The following TBC1D10B variants were observed in gnomAD, a reference collection of about 807,000 sequenced individuals.
The protein encoded by TBC1D10B is Rab27A-GAPbeta.
TBC1D10B carries 25 observed loss-of-function variants against 78.4 expected under a neutral mutation model. That is an observed-to-expected ratio of 0.32 (90% CI 0.23 to 0.45). The LOEUF is 0.45. TBC1D10B is among the 20% of genes least tolerant of loss of function. The pLI is 1.00. For missense variants in TBC1D10B, 996 were observed against 1,104.8 expected, an observed-to-expected ratio of 0.90 and a Z score of 1.40; for synonymous variants, 517 against 478.0, an observed-to-expected ratio of 1.08 and a Z score of -1.06.
chr16:30,368,775 A>T (rs1393021342), intron 1 of TBC1D10B, among the ~76,000 whole-genome samples: 1 of 152,072 alleles, frequency 6.6e-6, no homozygotes, highest in Non-Finnish European at 1.5e-5. Context: ...GGGGGAAGGG[A>T]GATGCCTGCA....
rs1250503651 is a variant in TBC1D10B at position 30,369,586 on chromosome 16, C to A, written c.598G>T (p.Ala200Ser). 3 of 1,529,482 alleles carry A rather than the reference C, an allele frequency of 2.0e-6. No homozygotes were observed. Among genetic ancestry groups the A allele is most frequent in the South Asian group, 1.2e-5 (1 of 81,980 alleles). The allele number at this position is 1,529,482 out of a possible 1,614,324, so 94.7% of individuals were successfully genotyped here. The change falls in exon 1 of 9, where the codon GCA becomes TCA. Residue 200 changes from alanine (A) to serine (S), a missense_variant. Ala to Ser is a moderately conservative substitution (Grantham distance 99). Coordinates refer to ENST00000409939, the MANE Select transcript of TBC1D10B (RefSeq NM_015527.4). This position sits in a 1 kb window ranked among gnomAD's most constrained non-coding sequence, Gnocchi z 4.3. ...TGTCCTGCTGATGCTGATGTTGCTG[C>A]GGCAGCTCCATGCCCACCTGTCACT... ...GQVTGGHGAA[A>S]ATSASAGQAP...
intron 1 of TBC1D10B, chr16:30,366,774 C>T (rs754498682): frequency 2.6e-5 from 4 of 152,170 alleles, no homozygotes; most frequent in South Asian, 4.1e-4. Flanking sequence ...GTGAGTAGAA[C>T]GGAAGAAAGC....
At position 30,369,146 on chromosome 16, in the gene TBC1D10B, G is replaced by A; in HGVS notation, c.956+82C>T. On this transcript the variant is annotated intron_variant, in intron 1 of 8. Coordinates refer to ENST00000409939, the MANE Select transcript of TBC1D10B (RefSeq NM_015527.4). The surrounding 1 kb of genome is among the most constrained non-coding windows in gnomAD (Gnocchi z 4.3). ...AGGAGGCTGGGCTGCCAGAGTCTGGGCAAAGTGTATCGTTTTCGTTTCGCC... is the reference window on the plus strand; with the variant it reads ...AGGAGGCTGGGCTGCCAGAGTCTGGACAAAGTGTATCGTTTTCGTTTCGCC... The A allele has an allele frequency of 7.2e-7, 1 of 1,392,882 alleles. No homozygotes were observed. The allele number at this position is 1,392,882 out of a possible 1,614,324, so 86.3% of individuals were successfully genotyped here.
rs780520897 is a variant in TBC1D10B, at chr16:30,365,018, C to T, written c.1165-12G>A. ...GCCCGTTCCAGCTCCTGCAGTGGGA[C>T]AGTGGGGATTACCTCAGCATCTGGG... On this transcript the variant is annotated splice_polypyrimidine_tract_variant and intron_variant, in intron 3 of 8. Transcript: ENST00000409939. The surrounding 1 kb of genome is among the most constrained non-coding windows in gnomAD (Gnocchi z 5.0). 1 of 1,613,070 alleles carries T rather than the reference C, an allele frequency of 6.2e-7. No individual in the cohort carries two copies. The highest frequency in any genetic ancestry group is 1.1e-5 in the South Asian group (1 of 90,946).
Position 30,357,538 on chromosome 16 carries a change from C to A in TBC1D10B, c.*406G>T. 4.4e-6 allele frequency: 1 copy of A among 228,758 alleles called. No individual in the cohort carries two copies. Among genetic ancestry groups the A allele is most frequent in the Non-Finnish European group, 8.7e-6 (1 of 115,318 alleles). 14.2% of individuals were successfully genotyped at this position (228,758 alleles called of 1,614,324 possible). On this transcript the variant is annotated 3_prime_UTR_variant, in exon 9 of 9. Coordinates refer to ENST00000409939, the MANE Select transcript of TBC1D10B (RefSeq NM_015527.4). ...AGCCCTGGCCAGGAAGTGGGGGAGA[C>A]AGGGAGGGCTGAAGACAGGGAAAAG...
rs1291267418 is a variant in TBC1D10B, at chr16:30,370,139, A to G, written c.45T>C (p.His15=). Residue 15 remains histidine, a synonymous_variant, in exon 1 of 9, where the codon CAT becomes CAC. Transcript: ENST00000409939. ...TAPLVAPPRR[H]GAPAAPSPPP... ...GCGGCGAGGGGGCCGCGGGGGCGCC[A>G]TGACGGCGCGGCGGGGCCACCAGGG... 7 of 1,201,720 alleles carry G rather than the reference A, an allele frequency of 5.8e-6. No homozygotes were observed. The East Asian group carries it at 2.4e-4, about 41-fold the overall frequency. 74.4% of individuals were successfully genotyped at this position (1,201,720 alleles called of 1,614,324 possible).
rs1044427842 is a variant in TBC1D10B at position 30,370,291 on chromosome 16, G to A, written c.-108C>T. ...AGAAAGGGGAGAGGGCGAAGGGCGC[G>A]GCTCGGCGCGCGCCGGGGGCGGAGC... On this transcript the variant is annotated 5_prime_UTR_variant, in exon 1 of 9. Coordinates refer to ENST00000409939, the MANE Select transcript of TBC1D10B (RefSeq NM_015527.4). The A allele has an allele frequency of 5.8e-6, 3 of 517,738 alleles. No individual in the cohort carries two copies. The highest frequency in any genetic ancestry group is 7.8e-6 in the Non-Finnish European group (3 of 382,172). The allele number at this position is 517,738 out of a possible 1,614,324, so 32.1% of individuals were successfully genotyped here.
Position 30,370,332 on chromosome 16 carries a change from A to G in TBC1D10B, c.-149T>C. The G allele has an allele frequency of 4.1e-6, 1 of 243,810 alleles. No homozygotes were observed. 15.1% of individuals were successfully genotyped at this position (243,810 alleles called of 1,614,324 possible). A position where few individuals can be genotyped will look rare whatever the true frequency, so the allele number is the denominator to read the frequency against. On this transcript the variant is annotated 5_prime_UTR_variant, in exon 1 of 9. Coordinates refer to ENST00000409939, the MANE Select transcript of TBC1D10B (RefSeq NM_015527.4). The stretch of plus-strand genomic sequence containing the variant: ...GGGGCGGAGCGGCCGCTGGGCGCGC[A>G]GAGGCGGGGCAGGGGTCGGGGGGCG...
rs1567415721 is a variant in TBC1D10B, at chr16:30,369,524, GGGGCCTGTGCCA to G, written c.648_659del (p.Gly217_Pro220del). 1 of 1,550,888 alleles carries G rather than the reference GGGGCCTGTGCCA, an allele frequency of 6.4e-7. No individual in the cohort carries two copies. Among genetic ancestry groups the G allele is most frequent in the Admixed American group, 2.0e-5 (1 of 50,856 alleles). On this transcript the variant is annotated inframe_deletion, in exon 1 of 9. Coordinates refer to ENST00000409939, the MANE Select transcript of TBC1D10B (RefSeq NM_015527.4). This position sits in a 1 kb window ranked among gnomAD's most constrained non-coding sequence, Gnocchi z 4.3. ...CTACCGGAGCCTCACAAGTCCCAGA[GGGGCCTGTGCCA>G]GGGCCTGAGGGGTCCTCAGGAGCCT...
In TBC1D10B at chr16:30,369,451, C is replaced by G. The variant is rs1382222848; in HGVS notation, c.733G>C (p.Asp245His). 1 of 1,554,046 alleles carries G rather than the reference C, an allele frequency of 6.4e-7. No homozygotes were observed. The change falls in exon 1 of 9, where the codon GAC becomes CAC. Residue 245 changes from aspartate (D) to histidine (H), a missense_variant. By Grantham distance (81) the Asp-to-His change is moderately conservative. Transcript: ENST00000409939. This position sits in a 1 kb window ranked among gnomAD's most constrained non-coding sequence, Gnocchi z 4.3. Reference protein sequence around the residue: ...PAPEPAENSQDLGSTSSLGPG... With the variant: ...PAPEPAENSQHLGSTSSLGPG... The stretch of plus-strand genomic sequence containing the variant: ...CCCAGGCTGGACGTGGAGCCCAGGT[C>G]TTGAGAGTTTTCAGCAGGCTCCGGA...
chr16:30,369,145 G>C lies in TBC1D10B; in HGVS notation c.956+83C>G. 7.2e-7 allele frequency: 1 copy of C among 1,390,112 alleles called. No individual in the cohort carries two copies. Among genetic ancestry groups the C allele is most frequent in the Non-Finnish European group, 9.6e-7 (1 of 1,041,084 alleles). The allele number at this position is 1,390,112 out of a possible 1,614,324, so 86.1% of individuals were successfully genotyped here. A position where few individuals can be genotyped will look rare whatever the true frequency, so the allele number is the denominator to read the frequency against. ...GAGGAGGCTGGGCTGCCAGAGTCTG[G>C]GCAAAGTGTATCGTTTTCGTTTCGC... On this transcript the variant is annotated intron_variant, in intron 1 of 8. Transcript: ENST00000409939. The surrounding 1 kb of genome is among the most constrained non-coding windows in gnomAD (Gnocchi z 4.3).
chr16:30,360,704 T>C (rs2049593243), intron 4 of TBC1D10B, among the ~76,000 whole-genome samples: 2 of 152,208 alleles, frequency 1.3e-5, no homozygotes, highest in Admixed American at 6.5e-5. Flanking sequence ...AGGTTTGATA[T>C]GGTTATTTTA....
At position 30,365,466 on chromosome 16, in the gene TBC1D10B, T is replaced by C. The variant is rs2049629323; in HGVS notation, c.1056+29A>G. 5.6e-6 allele frequency: 9 copies of C among 1,612,462 alleles called. No homozygotes were observed. Among genetic ancestry groups the C allele is most frequent in the South Asian group, 1.1e-5 (1 of 91,052 alleles). ...CATGCTACCCCTCCCAACTTGTGCA[T>C]TGCCCTGCCCACCATTCAGCCCTCA... On this transcript the variant is annotated intron_variant, in intron 2 of 8. Transcript: ENST00000409939. This position sits in a 1 kb window ranked among gnomAD's most constrained non-coding sequence, Gnocchi z 5.0.
Position 30,357,634 on chromosome 16 carries a change from C to G in TBC1D10B, c.*310G>C. ...ATCTGAAACTGCTGACTCCCATCAC[C>G]AGGAGTCACCCCTGGGATGACAACG... On this transcript the variant is annotated 3_prime_UTR_variant, in exon 9 of 9. Transcript: ENST00000409939. 2.3e-6 allele frequency: 1 copy of G among 441,922 alleles called. No individual in the cohort carries two copies. Among genetic ancestry groups the G allele is most frequent in the Non-Finnish European group, 4.1e-6 (1 of 245,424 alleles). 27.4% of individuals were successfully genotyped at this position (441,922 alleles called of 1,614,324 possible). A position where few individuals can be genotyped will look rare whatever the true frequency, so the allele number is the denominator to read the frequency against.
Position 30,358,486 on chromosome 16 carries a change from G to A in TBC1D10B, c.1885C>T (p.Gln629Ter). 6.2e-7 allele frequency: 1 copy of A among 1,600,080 alleles called. No individual in the cohort carries two copies. Among genetic ancestry groups the A allele is most frequent in the South Asian group, 1.1e-5 (1 of 88,894 alleles). Residue 629 changes from glutamine to a stop codon, truncating the protein, a stop_gained, in exon 9 of 9, where the codon CAG (glutamine) becomes TAG (stop). Coordinates refer to ENST00000409939, the MANE Select transcript of TBC1D10B (RefSeq NM_015527.4). LOFTEE classifies it high-confidence loss of function. ...KKWRETRGEL[Q>*]YRPSRRLHGS... is the part of the protein sequence containing the mutation. ...TGCAGTCGCCGTGAGGGCCGATACT[G>A]CAGCTCCCCCCGCGTTTCCCGCCAC...
chr16:30,365,015 G>C lies in TBC1D10B; in HGVS notation c.1165-9C>G. On this transcript the variant is annotated splice_polypyrimidine_tract_variant and intron_variant, in intron 3 of 8. Transcript: ENST00000409939. The surrounding 1 kb of genome is among the most constrained non-coding windows in gnomAD (Gnocchi z 5.0). Reference sequence around the variant, plus strand: ...GGAGCCCGTTCCAGCTCCTGCAGTGGGACAGTGGGGATTACCTCAGCATCT... The same window carrying C: ...GGAGCCCGTTCCAGCTCCTGCAGTGCGACAGTGGGGATTACCTCAGCATCT... 6.2e-7 allele frequency: 1 copy of C among 1,612,940 alleles called. No homozygotes were observed. Among genetic ancestry groups the C allele is most frequent in the Non-Finnish European group, 8.5e-7 (1 of 1,179,342 alleles).
At position 30,357,731 on chromosome 16, in the gene TBC1D10B, G is replaced by A. The variant is rs1294084250; in HGVS notation, c.*213C>T. 2 of 687,340 alleles carry A rather than the reference G, an allele frequency of 2.9e-6. No individual in the cohort carries two copies. Among genetic ancestry groups the A allele is most frequent in the African/African-American group, 3.6e-5 (2 of 55,526 alleles). 42.6% of individuals were successfully genotyped at this position (687,340 alleles called of 1,614,324 possible). On this transcript the variant is annotated 3_prime_UTR_variant, in exon 9 of 9. Transcript: ENST00000409939. ...CAGGAGCGACAGAGACCCCAGCTGA[G>A]CCTCATGGGAGATGAGAGGCTCCAG... is the stretch of plus-strand genomic sequence containing the variant.
intron 4 of TBC1D10B, among the ~76,000 whole-genome samples, chr16:30,362,871 T>C (rs931434784): frequency 2.6e-5 from 4 of 152,068 alleles, no homozygotes; most frequent in African/African-American, 9.7e-5. Context: ...ACCCCGTCTC[T>C]AATAAAAATA....
At position 30,359,862 on chromosome 16, in the gene TBC1D10B, T is replaced by C. The variant is rs1358177816; in HGVS notation, c.1272-21A>G. 4 of 1,545,608 alleles carry C rather than the reference T, an allele frequency of 2.6e-6. No homozygotes were observed. The African/African-American group carries it at 5.5e-5, about 21-fold the overall frequency. ...GTTGCCTGTGGGGGTTGGGGAAGACTGTGAGGGCAGTCACGGGCTGAGAGC... is the reference window on the plus strand; with the variant it reads ...GTTGCCTGTGGGGGTTGGGGAAGACCGTGAGGGCAGTCACGGGCTGAGAGC... On this transcript the variant is annotated intron_variant, in intron 4 of 8. Transcript: ENST00000409939.
Sources: gnomAD v4.1 joint callset for allele counts (sites outside exome capture counted in the v4.1 genomes callset) on GRCh38, gnomAD v4.1.1 for gene constraint, Gnocchi (gnomAD v3.1) non-coding constraint, MANE v1.5 for transcripts, NCBI Gene and HGNC (gene_info 2026-07-23, HGNC 2026-07-21) for gene names.